Variants in BORA observed in about 807,000 individuals in gnomAD.
BORA encodes BORA aurora kinase A activator.
Under a neutral mutation model 55.8 loss-of-function variants are expected in BORA, and 26 were observed. The observed-to-expected ratio is 0.47, with a 90% CI of 0.34 to 0.65. The LOEUF (loss-of-function observed/expected upper bound fraction) is 0.65, where lower values mean the gene tolerates loss of function less well. Ranked by LOEUF, BORA falls within the 30% of genes least tolerant of loss-of-function variation. The probability of loss-of-function intolerance (pLI) is 0.01; values close to 1 mark genes in which losing one functional copy is unlikely to be tolerated. For synonymous variants in BORA, 201 were observed against 216.9 expected (o/e 0.93, Z 0.64); for missense variants, 568 against 671.5 (o/e 0.85, Z 1.70).
Position 72,744,004 on chromosome 13 carries a change from T to A in BORA, c.454+402T>A, listed in dbSNP as rs555509386. ...TGCCCACTTTGGCCCCCCAAAGTGCTAGGATTACAGGCATGAGCCACCAAG... is the reference window on the plus strand; with the variant it reads ...TGCCCACTTTGGCCCCCCAAAGTGCAAGGATTACAGGCATGAGCCACCAAG... On this transcript the variant is annotated intron_variant, in intron 6 of 11. Coordinates refer to ENST00000390667, the MANE Select transcript of BORA (RefSeq NM_024808.5). Among the ~76,000 whole-genome samples the A allele has an allele frequency of 2.0e-3, 311 of 152,306 alleles. 1 individual carries two copies. The highest frequency in any genetic ancestry group is 7.0e-3 in the African/African-American group (292 of 41,562).
At chr13:72,753,515 T>C (rs2033338243) in intron 10 of BORA, 175 bp from the exon 11 acceptor site, 2 of 594,370 alleles carry the variant, frequency 3.4e-6, no homozygotes, top group Non-Finnish European at 5.7e-6. Context: ...TAATCAGTAC[T>C]ATGCAGGACT....
chr13:72,749,105 G>A (rs1483920977), intron 10 of BORA, among the ~76,000 whole-genome samples: 1 of 151,804 alleles, frequency 6.6e-6, no homozygotes. Flanking sequence ...GCTTTCTGAG[G>A]AAGAGTACAT....
rs952695339 is a variant in BORA at position 72,746,986 on chromosome 13, G to A, written c.1357G>A (p.Asp453Asn). The change falls in exon 10 of 12, where the codon GAT becomes AAT. Residue 453 changes from aspartate to asparagine, a missense_variant. Asp to Asn is a conservative substitution (Grantham distance 23). Coordinates refer to ENST00000390667, the MANE Select transcript of BORA (RefSeq NM_024808.5). ...GACCACTTGGATTAAGGAGCCGGTT[G>A]ATAATGGCAGTTTACCCATGACTGA... The part of the protein sequence containing the change: ...DETTWIKEPV[D>N]NGSLPMTDFV... 2.5e-6 allele frequency: 4 copies of A among 1,614,136 alleles called. No individual in the cohort carries two copies. The highest frequency in any genetic ancestry group is 2.2e-5 in the East Asian group (1 of 44,886).
intron 10 of BORA, among the ~76,000 whole-genome samples, chr13:72,750,630 G>C (rs2033251550): frequency 6.6e-6 from 1 of 152,074 alleles, no homozygotes; most frequent in African/African-American, 2.4e-5. Context: ...TAAATGAAGA[G>C]AGAGAAGATT....
chr13:72,737,876 G>A (rs1364680195), intron 4 of BORA, 86 bp from the exon 5 acceptor site: 2 of 760,980 alleles, frequency 2.6e-6, no homozygotes, highest in African/African-American at 3.6e-5. Context: ...TATATGACAT[G>A]TTTAATAATT....
At chr13:72,728,253 C>T in intron 1 of BORA, 1 of 704,006 alleles carries the variant, frequency 1.4e-6, no homozygotes, top group South Asian at 1.5e-5. Flanking sequence ...CCACCCCACC[C>T]CGCCAAGGTG....
chr13:72,752,892 C>T (rs2033315864), intron 10 of BORA: 1 of 152,144 alleles, frequency 6.6e-6, no homozygotes, highest in Non-Finnish European at 1.5e-5. Flanking sequence ...CAAAATGATT[C>T]CCTTGTGGAT....
Position 72,745,977 on chromosome 13 carries a change from G to A in BORA, c.772G>A (p.Ala258Thr), listed in dbSNP as rs768142628. The part of the protein sequence containing the change: ...QFSSSPIQAS[A>T]KKYSLGSITS... ...TTCTTCTAGCCCTATTCAGGCTAGTGCAAAAAAATACAGCTTGGGAAGCAT... is the reference window on the plus strand; with the variant it reads ...TTCTTCTAGCCCTATTCAGGCTAGTACAAAAAAATACAGCTTGGGAAGCAT... Residue 258 changes from alanine to threonine, a missense_variant, in exon 9 of 12, where the codon GCA becomes ACA. Physicochemically the swap from Ala to Thr is moderately conservative, Grantham distance 58. Coordinates refer to ENST00000390667, the MANE Select transcript of BORA (RefSeq NM_024808.5). The A allele has an allele frequency of 3.6e-5, 58 of 1,612,646 alleles. 1 individual carries two copies. The South Asian group carries it at 6.2e-4, about 17-fold the overall frequency.
chr13:72,739,307 C>T (rs1439348306), intron 5 of BORA, among the ~76,000 whole-genome samples: 1 of 152,114 alleles, frequency 6.6e-6, no homozygotes, highest in African/African-American at 2.4e-5. Context: ...TCAAGTGATG[C>T]AGGATCAAGA....
chr13:72,736,648 G>T (rs1285943993), intron 4 of BORA, among the ~76,000 whole-genome samples: 1 of 152,074 alleles, frequency 6.6e-6, no homozygotes, highest in East Asian at 1.9e-4. Context: ...AAATAATGCT[G>T]CAGTGATTTG....
chr13:72,734,893 T>C lies in BORA; in HGVS notation c.261-67T>C, dbSNP rs73215007. ...AAGGGAGATTATTTATTTGAAAGGT[T>C]ATTTTTTAAAATGTTCAATAAGCTT... On this transcript the variant is annotated intron_variant, in intron 3 of 11. Transcript: ENST00000390667. 5.6e-3 allele frequency: 6,773 copies of C among 1,204,094 alleles called. 43 individuals are homozygous for C. Among genetic ancestry groups the C allele is most frequent in the Non-Finnish European group, 5.6e-3 (4,758 of 845,980 alleles). 74.6% of individuals were successfully genotyped at this position (1,204,094 alleles called of 1,614,324 possible). A position where few individuals can be genotyped will look rare whatever the true frequency, so the allele number is the denominator to read the frequency against.
intron 5 of BORA, among the ~76,000 whole-genome samples, chr13:72,740,479 A>G (rs2033012509): frequency 6.6e-6 from 1 of 152,154 alleles, no homozygotes. Context: ...GGAGTTCCCC[A>G]TTCACAATAT....
At chr13:72,728,532 T>A (rs1288931816) in intron 1 of BORA, among the ~76,000 whole-genome samples, 1 of 152,194 alleles carries the variant, frequency 6.6e-6, no homozygotes, top group African/African-American at 2.4e-5. Context: ...TTCATAGTGT[T>A]GAGACATGAG....
chr13:72,751,671 A>G (rs539676358), intron 10 of BORA, among the ~76,000 whole-genome samples: 2 of 152,202 alleles, frequency 1.3e-5, no homozygotes, highest in South Asian at 2.1e-4. Flanking sequence ...CTAGTGTTCT[A>G]TAGCTCTATA....
intron 4 of BORA, among the ~76,000 whole-genome samples, chr13:72,737,580 A>C (rs2032953829): frequency 6.6e-6 from 1 of 152,190 alleles, no homozygotes; most frequent in African/African-American, 2.4e-5. Flanking sequence ...GAGCCAGAAC[A>C]AACAAGCCAG....
chr13:72,737,914 C>T (rs765149079), intron 4 of BORA, 48 bp from the exon 5 acceptor site: 2 of 1,285,266 alleles, frequency 1.6e-6, no homozygotes, highest in East Asian at 2.5e-5. Context: ...TACCGTCTCA[C>T]ATTTTGGGTG....
At chr13:72,753,563 A>G in intron 10 of BORA, 127 bp from the exon 11 acceptor site, 1 of 994,536 alleles carries the variant, frequency 1.0e-6, no homozygotes, top group Non-Finnish European at 1.5e-6. Context: ...AATTTTGTTC[A>G]ACATGATCAA....
In BORA at chr13:72,734,981, C is replaced by T. The variant is rs1455426814; in HGVS notation, c.282C>T (p.Asp94=). The T allele has an allele frequency of 3.8e-6, 6 of 1,587,224 alleles. No individual in the cohort carries two copies. The South Asian group carries it at 4.4e-5, about 12-fold the overall frequency. The change falls in exon 4 of 12, where the codon GAC becomes GAT. Residue 94 remains aspartate, a synonymous_variant. Transcript: ENST00000390667. ...ATAGAATAGATAAAGATGTGGAAGA[C>T]AAAAGACAAAAAGCCATTGAAGAGG... The part of the protein sequence containing the change: ...SHSRIDKDVE[D]KRQKAIEEFF...
In BORA at chr13:72,746,389, A is replaced by C. The variant is rs2033142607; in HGVS notation, c.872-112A>C. The C allele has an allele frequency of 1.4e-5, 18 of 1,251,006 alleles. No homozygotes were observed. The South Asian group carries it at 2.2e-4, about 16-fold the overall frequency. The allele number at this position is 1,251,006 out of a possible 1,614,324, so 77.5% of individuals were successfully genotyped here. ...CAATTTCACTTTGGTAAACAACACAACTGTTACAGAAATGCAGTTTTTCCT... is the reference window on the plus strand; with the variant it reads ...CAATTTCACTTTGGTAAACAACACACCTGTTACAGAAATGCAGTTTTTCCT... On this transcript the variant is annotated intron_variant, in intron 9 of 11. Coordinates refer to ENST00000390667, the MANE Select transcript of BORA (RefSeq NM_024808.5).
Sources: allele counts gnomAD v4.1 joint callset (sites outside exome capture counted in the v4.1 genomes callset), GRCh38; gene constraint gnomAD v4.1.1; transcripts MANE v1.5; gene names NCBI Gene and HGNC (gene_info 2026-07-23, HGNC 2026-07-21).